CCNL2: variants seen among roughly 807,000 people sequenced by gnomAD.
The protein encoded by CCNL2 is cyclin L2.
A neutral mutation model predicts 59.1 loss-of-function variants in CCNL2; 28 were observed. The observed-to-expected ratio is 0.47, with a 90% CI of 0.35 to 0.65. The LOEUF is 0.65. Among genes scored for constraint, CCNL2 ranks in the 30% least tolerant of loss-of-function variants. The probability of loss-of-function intolerance (pLI) is 0.00; values close to 1 mark genes in which losing one functional copy is unlikely to be tolerated. For missense variants in CCNL2, 714 were observed against 717.4 expected, an observed-to-expected ratio of 1.00 and a Z score of 0.05; for synonymous variants, 342 against 288.6, an observed-to-expected ratio of 1.19 and a Z score of -1.88.
intron 2 of CCNL2, 52 bp from the exon 3 acceptor site, chr1:1,398,394 C>T: frequency 6.2e-7 from 1 of 1,611,798 alleles, no homozygotes; most frequent in Non-Finnish European, 8.5e-7. Flanking sequence ...CCACGGCGTC[C>T]TGACGGCCGC....
chr1:1,393,558 G>A, intron 4 of CCNL2, 98 bp from the exon 5 acceptor site: 2 of 1,053,542 alleles, frequency 1.9e-6, no homozygotes, highest in East Asian at 2.4e-5. Flanking sequence ...CCTCAAGCTA[G>A]ATCCCAGGAG....
In CCNL2 at chr1:1,387,363, C is replaced by A. The variant is rs780193325; in HGVS notation, c.1431G>T (p.Ala477=). The A allele has an allele frequency of 1.9e-6, 3 of 1,614,200 alleles. No individual in the cohort carries two copies. The Admixed American group carries it at 5.0e-5, about 27-fold the overall frequency. ...TCTTCTTGTATTTTCCCGGATTATC[C>A]GCCCGCTCCCGTGACCTGCTTCGAG... is the stretch of plus-strand genomic sequence containing the variant. ...SRSRSRSRER[A]DNPGKYKKKS... is the part of the protein sequence containing the mutation. The change falls in exon 11 of 11, where the codon GCG becomes GCT. Residue 477 remains alanine (A), a synonymous_variant. Coordinates refer to ENST00000400809, the MANE Select transcript of CCNL2 (RefSeq NM_030937.6).
In CCNL2 at chr1:1,390,358, T is replaced by G; in HGVS notation, c.878A>C (p.His293Pro). Residue 293 changes from histidine to proline, a missense_variant, in exon 8 of 11, where the codon CAC becomes CCC. His to Pro is a moderately conservative substitution (Grantham distance 77). This residue lies in a region of CCNL2 where 403 missense variants were observed against 377.7 expected (regional missense o/e 1.07). Transcript: ENST00000400809. ...LYARKKVDLT[H>P]LEGEVEKRKH... Reference sequence around the variant, plus strand: ...TCTTTTTTCCACTTCACCCTCCAGGTGTGTGAGATCAACCTGCAAAAGCCA... The same window carrying G: ...TCTTTTTTCCACTTCACCCTCCAGGGGTGTGAGATCAACCTGCAAAAGCCA... 6.2e-7 allele frequency: 1 copy of G among 1,613,032 alleles called. No homozygotes were observed. The highest frequency in any genetic ancestry group is 8.5e-7 in the Non-Finnish European group (1 of 1,179,100).
chr1:1,390,531 A>C lies in CCNL2; in HGVS notation c.792T>G (p.Leu264=). 1.2e-6 allele frequency: 2 copies of C among 1,613,958 alleles called. No individual in the cohort carries two copies. The highest frequency in any genetic ancestry group is 1.3e-5 in the African/African-American group (1 of 75,054). ...TTTCTTCTTCAGTTGCTCCAAACAA[A>C]AGAAACCAATGGGGACGATTGGGCA... ...IPLPNRPHWF[L]LFGATEEEIQ... is the part of the protein sequence containing the mutation. Residue 264 remains leucine (L), a synonymous_variant, in exon 7 of 11, where the codon CTT becomes CTG. Transcript: ENST00000400809.
At chr1:1,394,183 G>A (rs1215703918) in intron 4 of CCNL2, among the ~76,000 whole-genome samples, 1 of 150,934 alleles carries the variant, frequency 6.6e-6, no homozygotes, top group Non-Finnish European at 1.5e-5. Flanking sequence ...AATTTGAACA[G>A]ATGGCAGAAA....
intron 4 of CCNL2, among the ~76,000 whole-genome samples, chr1:1,394,835 G>A (rs989719245): frequency 7.3e-5 from 11 of 151,616 alleles, no homozygotes. Context: ...AAGGTGGGAG[G>A]ATCACGAGGG....
intron 3 of CCNL2, among the ~76,000 whole-genome samples, chr1:1,397,042 T>C (rs1223544816): frequency 1.3e-5 from 2 of 152,092 alleles, no homozygotes; most frequent in Non-Finnish European, 2.9e-5. Flanking sequence ...CCACTGCACC[T>C]GGCCAATTTT....
intron 3 of CCNL2, among the ~76,000 whole-genome samples, chr1:1,397,284 G>A (rs948342550): frequency 2.6e-5 from 4 of 152,038 alleles, no homozygotes; most frequent in Non-Finnish European, 5.9e-5. Context: ...GGGCCATGAA[G>A]CAACATCAAC....
chr1:1,388,248 C>T (rs145696671), intron 8 of CCNL2, 183 bp from the exon 9 acceptor site: 9 of 595,690 alleles, frequency 1.5e-5, no homozygotes, highest in Non-Finnish European at 2.4e-5. Context: ...TGGGGCTGGA[C>T]GCGGGGGCTC....
chr1:1,392,762 C>A (rs763911917), intron 5 of CCNL2: 2 of 1,610,720 alleles, frequency 1.2e-6, no homozygotes, highest in South Asian at 2.2e-5. Context: ...AGCGCTTGGA[C>A]AGCAGAGGAG....
intron 4 of CCNL2, among the ~76,000 whole-genome samples, chr1:1,394,577 C>G (rs1644913420): frequency 1.3e-5 from 2 of 151,784 alleles, no homozygotes; most frequent in African/African-American, 2.4e-5. Context: ...TGACGAAACC[C>G]CATCTCTACT....
At chr1:1,398,169 T>G in intron 3 of CCNL2, 64 bp downstream of exon 3, 2 of 1,490,226 alleles carry the variant, frequency 1.3e-6, no homozygotes, top group Non-Finnish European at 1.9e-6. Context: ...AGCCTTACTG[T>G]AACTTAATCA....
At position 1,395,633 on chromosome 1, in the gene CCNL2, G is replaced by A. The variant is rs1326285235; in HGVS notation, c.474-119C>T. The A allele has an allele frequency of 2.8e-6, 4 of 1,409,598 alleles. No individual in the cohort carries two copies. In the South Asian group the frequency reaches 3.8e-5, roughly 14 times the overall value. 87.3% of individuals were successfully genotyped at this position (1,409,598 alleles called of 1,614,324 possible). A position where few individuals can be genotyped will look rare whatever the true frequency, so the allele number is the denominator to read the frequency against. On this transcript the variant is annotated intron_variant, in intron 3 of 10. Transcript: ENST00000400809. ...AAACCCCACAACACAACATCGCTAT[G>A]AAGTCCACATCCTCTGATGAACAAA...
chr1:1,396,189 A>AG (rs1491519447), intron 3 of CCNL2, among the ~76,000 whole-genome samples: 1 of 113,012 alleles, frequency 8.8e-6, no homozygotes, highest in Non-Finnish European at 1.7e-5. Flanking sequence ...AGTCCGTCTC[A>AG]GAAAAAAAAA....
Position 1,398,278 on chromosome 1 carries a change from T to C in CCNL2, c.428A>G (p.Asp143Gly). The C allele has an allele frequency of 6.2e-7, 1 of 1,614,234 alleles. No individual in the cohort carries two copies. The highest frequency in any genetic ancestry group is 8.5e-7 in the Non-Finnish European group (1 of 1,180,042). ...AAGGCGGTGAAACACATTGATGACG[T>C]CCCGTATGCGTCTTGGGGCCTCTTC... Reference protein sequence around the residue: ...KIEEAPRRIRDVINVFHRLRQ... With the variant: ...KIEEAPRRIRGVINVFHRLRQ... The change falls in exon 3 of 11, where the codon GAC becomes GGC. Residue 143 changes from aspartate (D) to glycine (G), a missense_variant. Coordinates refer to ENST00000400809, the MANE Select transcript of CCNL2 (RefSeq NM_030937.6).
chr1:1,399,088 T>G lies in CCNL2; in HGVS notation c.219A>C (p.Thr73=). ...PSMSSGLDTD[T]ETDLRVVGCE... is the part of the protein sequence containing the mutation. Reference sequence around the variant, plus strand: ...AGCCCACCACGCGGAGGTCGGTCTCTGTGTCGGTGTCGAGGCCGCTCGACA... The same window carrying G: ...AGCCCACCACGCGGAGGTCGGTCTCGGTGTCGGTGTCGAGGCCGCTCGACA... Residue 73 remains threonine (T), a synonymous_variant, in exon 1 of 11, where the codon ACA becomes ACC. Transcript: ENST00000400809. The G allele has an allele frequency of 6.2e-7, 1 of 1,611,594 alleles. No homozygotes were observed.
intron 1 of CCNL2, 46 bp from the exon 2 acceptor site, chr1:1,398,717 G>A (rs1251997426): frequency 6.5e-7 from 1 of 1,549,730 alleles, no homozygotes; most frequent in African/African-American, 1.4e-5. Flanking sequence ...ACCATTCAAA[G>A]CCTTCGCGGC....
At chr1:1,389,996 T>C (rs1349942619) in intron 8 of CCNL2, among the ~76,000 whole-genome samples, 1 of 151,722 alleles carries the variant, frequency 6.6e-6, no homozygotes, top group Non-Finnish European at 1.5e-5. Context: ...CATGTGCCTG[T>C]AGTCCTAGCT....
chr1:1,397,101 C>G (rs574675866), intron 3 of CCNL2, among the ~76,000 whole-genome samples: 1 of 152,126 alleles, frequency 6.6e-6, no homozygotes, highest in South Asian at 2.1e-4. Context: ...AGGCTGGTCT[C>G]GAACTCCTGA....
Sources: gnomAD v4.1 joint callset for allele counts (sites outside exome capture counted in the v4.1 genomes callset) on GRCh38, gnomAD v4.1.1 for gene constraint, gnomAD v4.1.1 regional missense constraint, MANE v1.5 for transcripts, NCBI Gene and HGNC (gene_info 2026-07-23, HGNC 2026-07-21) for gene names.